The following GLDC variants were observed in gnomAD, a reference collection of about 807,000 sequenced individuals.
GLDC encodes glycine decarboxylase.
A neutral mutation model predicts 121.3 loss-of-function variants in GLDC; 104 were observed. That is an observed-to-expected ratio of 0.86 (90% CI 0.73 to 1.01). The LOEUF is 1.01. Ranked by LOEUF, GLDC falls within the 50% of genes least tolerant of loss-of-function variation. The pLI, the probability that GLDC is intolerant of heterozygous loss-of-function variation, is 0.00. For missense variants in GLDC, 1,429 were observed against 1,306.6 expected (o/e 1.09, Z -1.44); for synonymous variants, 546 against 480.6 (o/e 1.14, Z -1.78).
chr9:6,549,855 T>C (rs1817473906), intron 21 of GLDC, among the ~76,000 whole-genome samples: 1 of 152,110 alleles, frequency 6.6e-6, no homozygotes, highest in Non-Finnish European at 1.5e-5. Flanking sequence ...TTAATGATTG[T>C]AACGGTCTCT....
At chr9:6,610,072 C>G in intron 4 of GLDC, 120 bp downstream of exon 4, 1 of 795,234 alleles carries the variant, frequency 1.3e-6, no homozygotes, top group Non-Finnish European at 2.0e-6. Flanking sequence ...TTCAGTTTCT[C>G]TGAAAAGTCA....
chr9:6,540,830 C>A (rs899855150), intron 21 of GLDC: 1 of 152,340 alleles, frequency 6.6e-6, no homozygotes, highest in Non-Finnish European at 1.5e-5. Flanking sequence ...AATTACAGAT[C>A]TTTATTTGAG....
chr9:6,539,674 A>T (rs893066962), intron 22 of GLDC, among the ~76,000 whole-genome samples: 2 of 152,340 alleles, frequency 1.3e-5, no homozygotes, highest in African/African-American at 4.8e-5. Flanking sequence ...CTCTAGAAGC[A>T]GCTGAAACAG....
At chr9:6,589,552 T>C (rs371619722) in intron 11 of GLDC, among the ~76,000 whole-genome samples, 22 of 152,234 alleles carry the variant, frequency 1.4e-4, no homozygotes, top group South Asian at 1.2e-3. Flanking sequence ...CTCAGTCTCC[T>C]GAGTAGCTGG....
intron 15 of GLDC, among the ~76,000 whole-genome samples, chr9:6,566,977 G>A (rs1347871148): frequency 6.6e-6 from 1 of 152,144 alleles, no homozygotes; most frequent in Non-Finnish European, 1.5e-5. Flanking sequence ...GAGTCAGCCT[G>A]CCTCCCAGAG....
chr9:6,641,525 AGCTGGGCT>A lies in GLDC; in HGVS notation c.334+3081_334+3088del, dbSNP rs1260684188. Among the ~76,000 whole-genome samples the A allele has an allele frequency of 6.6e-5, 10 of 152,318 alleles. No homozygotes were observed. The East Asian group carries it at 1.9e-3, about 29-fold the overall frequency. The stretch of plus-strand genomic sequence containing the variant: ...GTAGTGGATGGAGTGTGGACAGTGG[AGCTGGGCT>A]GCCTGGGTTTGAATTCTGCCTCCAT... On this transcript the variant is annotated intron_variant, in intron 2 of 24. Coordinates refer to ENST00000321612, the MANE Select transcript of GLDC (RefSeq NM_000170.3).
chr9:6,645,416 C>G lies in GLDC; in HGVS notation c.84G>C (p.Pro28=), dbSNP rs1259938806. The change falls in exon 1 of 25, where the codon CCG becomes CCC. Residue 28 remains proline, a synonymous_variant. Transcript: ENST00000321612. ...TGTCCCGGCTCCGCGGCGCCCAGCA[C>G]GGCCCCGATCCCCCAGCCAGGCGGC... ...GGRRLAGGSG[P]CWAPRSRDSS... is the part of the protein sequence containing the mutation. 6 of 1,354,578 alleles carry G rather than the reference C, an allele frequency of 4.4e-6. No individual in the cohort carries two copies. In the East Asian group the frequency reaches 9.2e-5, roughly 21 times the overall value. The allele number at this position is 1,354,578 out of a possible 1,614,324, so 83.9% of individuals were successfully genotyped here.
intron 4 of GLDC, among the ~76,000 whole-genome samples, chr9:6,608,568 A>G (rs1005485252): frequency 7.0e-5 from 10 of 143,332 alleles, no homozygotes; most frequent in Non-Finnish European, 3.0e-5. Flanking sequence ...GTGAAACCCC[A>G]TCTCTACTAA....
At chr9:6,627,654 C>CA (rs1341035525) in intron 2 of GLDC, among the ~76,000 whole-genome samples, 1 of 152,138 alleles carries the variant, frequency 6.6e-6, no homozygotes, top group Non-Finnish European at 1.5e-5. Context: ...CGCTTCTTTC[C>CA]ATTCACTCAT....
At chr9:6,591,744 C>T (rs1197621007) in intron 11 of GLDC, 4 of 262,752 alleles carry the variant, frequency 1.5e-5, no homozygotes, top group Non-Finnish European at 3.0e-5. Flanking sequence ...GCCACCATGC[C>T]TGGCTAATTT....
intron 13 of GLDC, 25 bp downstream of exon 13, chr9:6,588,593 G>T: frequency 1.3e-6 from 2 of 1,570,268 alleles, no homozygotes; most frequent in Non-Finnish European, 1.8e-6. Flanking sequence ...GCTTGGAAAT[G>T]AGAAAAAAGG....
At chr9:6,565,265 G>C in intron 16 of GLDC, 89 bp downstream of exon 16, 1 of 893,760 alleles carries the variant, frequency 1.1e-6, no homozygotes, top group Admixed American at 1.7e-5. Flanking sequence ...TTCCAAGAAG[G>C]CTTGGAGGGA....
chr9:6,588,334 T>C (rs1818309661), intron 14 of GLDC, 67 bp downstream of exon 14: 1 of 1,054,042 alleles, frequency 9.5e-7, no homozygotes, highest in African/African-American at 1.6e-5. Context: ...TCACTAGTTC[T>C]GGGCTTAGGT....
chr9:6,628,079 C>G (rs1819282930), intron 2 of GLDC, among the ~76,000 whole-genome samples: 1 of 152,224 alleles, frequency 6.6e-6, no homozygotes, highest in South Asian at 2.1e-4. Context: ...AATCCAGTGT[C>G]TAAGTCCAAG....
intron 8 of GLDC, among the ~76,000 whole-genome samples, chr9:6,601,828 G>A (rs866161789): frequency 6.6e-6 from 1 of 151,990 alleles, no homozygotes; most frequent in Non-Finnish European, 1.5e-5. Context: ...ATGGTGTTTC[G>A]CCATGTCGCC....
At position 6,606,225 on chromosome 9, in the gene GLDC, C is replaced by T. The variant is rs544125938; in HGVS notation, c.713+367G>A. On this transcript the variant is annotated intron_variant, in intron 5 of 24. Coordinates refer to ENST00000321612, the MANE Select transcript of GLDC (RefSeq NM_000170.3). Reference sequence around the variant, plus strand: ...TCGGGAGGCTGAGGCAGGACAATGGCGTGAACTTGGGAGGCGGAGCTTGCA... The same window carrying T: ...TCGGGAGGCTGAGGCAGGACAATGGTGTGAACTTGGGAGGCGGAGCTTGCA... 3.2e-5 allele frequency: 9 copies of T among 283,268 alleles called. 1 individual carries two copies. Among genetic ancestry groups the T allele is most frequent in the South Asian group, 3.1e-4 (9 of 29,052 alleles). 17.5% of individuals were successfully genotyped at this position (283,268 alleles called of 1,614,324 possible).
rs1819732862 is a variant in GLDC at position 6,645,625 on chromosome 9, C to T, written c.-126G>A. 1 of 603,776 alleles carries T rather than the reference C, an allele frequency of 1.7e-6. No individual in the cohort carries two copies. Among genetic ancestry groups the T allele is most frequent in the Non-Finnish European group, 2.3e-6 (1 of 426,020 alleles). The allele number at this position is 603,776 out of a possible 1,614,324, so 37.4% of individuals were successfully genotyped here. A position where few individuals can be genotyped will look rare whatever the true frequency, so the allele number is the denominator to read the frequency against. On this transcript the variant is annotated 5_prime_UTR_variant, in exon 1 of 25. Coordinates refer to ENST00000321612, the MANE Select transcript of GLDC (RefSeq NM_000170.3). Reference sequence around the variant, plus strand: ...GAGCCCCTTTCGCTGGACAGTCGGCCGGACAGATGGATGGACGCTCGCGGG... The same window carrying T: ...GAGCCCCTTTCGCTGGACAGTCGGCTGGACAGATGGATGGACGCTCGCGGG...
chr9:6,572,708 T>G (rs957254338), intron 15 of GLDC, among the ~76,000 whole-genome samples: 11 of 152,236 alleles, frequency 7.2e-5, no homozygotes, highest in African/African-American at 2.7e-4. Flanking sequence ...TTTTCTTCTC[T>G]GCTGCCAGCC....
intron 14 of GLDC, 139 bp from the exon 15 acceptor site, chr9:6,587,422 AAGT>A: frequency 1.5e-6 from 1 of 688,616 alleles, no homozygotes; most frequent in Non-Finnish European, 2.5e-6. Flanking sequence ...TAATTTATTT[AAGT>A]TCCACCACAA....
Sources: allele counts gnomAD v4.1 joint callset (sites outside exome capture counted in the v4.1 genomes callset), GRCh38; gene constraint gnomAD v4.1.1; transcripts MANE v1.5; gene names NCBI Gene and HGNC (gene_info 2026-07-23, HGNC 2026-07-21).